CACNA2D3: variants seen among roughly 807,000 people sequenced by gnomAD.
The protein encoded by CACNA2D3 is voltage-dependent calcium channel subunit alpha-2/delta-3.
In CACNA2D3, 60 loss-of-function variants were observed where a neutral mutation model predicts 160.6. The observed-to-expected ratio is 0.37, with a 90% CI of 0.30 to 0.46. CACNA2D3 has a LOEUF of 0.46. Among genes scored for constraint, CACNA2D3 ranks in the 20% least tolerant of loss-of-function variants. The pLI is 1.00. For missense variants in CACNA2D3, 1,205 were observed against 1,365.0 expected, an observed-to-expected ratio of 0.88 and a Z score of 1.85; for synonymous variants, 558 against 492.9, an observed-to-expected ratio of 1.13 and a Z score of -1.75.
At chr3:54,385,265 C>T (rs910140495) in intron 3 of CACNA2D3, among the ~76,000 whole-genome samples, 1 of 152,166 alleles carries the variant, frequency 6.6e-6, no homozygotes, top group African/African-American at 2.4e-5. Flanking sequence ...ACTGATCCTG[C>T]CAGTGTGGGT....
intron 11 of CACNA2D3, among the ~76,000 whole-genome samples, chr3:54,694,186 G>A (rs545790087): frequency 1.3e-5 from 2 of 152,166 alleles, no homozygotes; most frequent in South Asian, 2.1e-4. Flanking sequence ...TCTTTTCTAT[G>A]TTTAGGTATG....
intron 11 of CACNA2D3, among the ~76,000 whole-genome samples, chr3:54,649,571 A>G (rs1486239926): frequency 6.6e-6 from 1 of 152,218 alleles, no homozygotes; most frequent in Admixed American, 6.5e-5. Context: ...AGCATGGTAC[A>G]GTTCTTTTTG....
At chr3:54,504,224 C>A (rs184171965) in intron 5 of CACNA2D3, among the ~76,000 whole-genome samples, 1 of 152,262 alleles carries the variant, frequency 6.6e-6, no homozygotes, top group East Asian at 1.9e-4. Context: ...TCCTTATTTC[C>A]AGGCTTGTGT....
chr3:54,219,275 A>G (rs140252336), intron 2 of CACNA2D3, among the ~76,000 whole-genome samples: 6 of 152,278 alleles, frequency 3.9e-5, no homozygotes, highest in Admixed American at 2.6e-4. Context: ...GAAACTATTT[A>G]CACCTTGGAA....
At chr3:54,401,700 C>A (rs561264049) in intron 4 of CACNA2D3, among the ~76,000 whole-genome samples, 1 of 152,104 alleles carries the variant, frequency 6.6e-6, no homozygotes, top group East Asian at 1.9e-4. Context: ...CCTAGGCAAG[C>A]AAACGTTGAG....
At chr3:54,998,216 A>G (rs959421655) in intron 31 of CACNA2D3, among the ~76,000 whole-genome samples, 83 of 137,926 alleles carry the variant, frequency 6.0e-4, no homozygotes, top group Non-Finnish European at 8.6e-4. Flanking sequence ...GTTCACTGCC[A>G]CCTCCGCCTC....
At chr3:54,428,605 T>G (rs1384608382) in intron 4 of CACNA2D3, among the ~76,000 whole-genome samples, 1 of 152,182 alleles carries the variant, frequency 6.6e-6, no homozygotes, top group African/African-American at 2.4e-5. Context: ...ACCTTTTACT[T>G]TTAAATATCT....
chr3:54,503,499 A>T lies in CACNA2D3; in HGVS notation c.389A>T (p.Tyr130Phe), dbSNP rs1372316374. Residue 130 changes from tyrosine (Y) to phenylalanine (F), a missense_variant, in exon 5 of 38, where the codon TAC becomes TTC. Around this residue, in one of 3 missense-constraint regions of CACNA2D3, gnomAD observed 131 missense variants for 201.5 expected, o/e 0.65. Transcript: ENST00000474759. ...TTTGACTTTGTCTTTCAGTATGAATACTTCAATGCTGTGCTGATAAATGAA... is the reference window on the plus strand; with the variant it reads ...TTTGACTTTGTCTTTCAGTATGAATTCTTCAATGCTGTGCTGATAAATGAA... ...HEFDADLQYE[Y>F]FNAVLINERD... The T allele has an allele frequency of 6.2e-7, 1 of 1,613,868 alleles. No individual in the cohort carries two copies. Among genetic ancestry groups the T allele is most frequent in the Non-Finnish European group, 8.5e-7 (1 of 1,179,786 alleles).
At chr3:54,547,588 T>G (rs1702084851) in intron 5 of CACNA2D3, among the ~76,000 whole-genome samples, 1 of 151,524 alleles carries the variant, frequency 6.6e-6, no homozygotes, top group Non-Finnish European at 1.5e-5. Context: ...TTTTGGGGGC[T>G]GAATGGATTC....
chr3:54,221,672 A>G (rs1376914308), intron 2 of CACNA2D3, among the ~76,000 whole-genome samples: 2 of 152,220 alleles, frequency 1.3e-5, no homozygotes, highest in Admixed American at 1.3e-4. Flanking sequence ...AAAGTCTTTC[A>G]TACAAATTGG....
intron 11 of CACNA2D3, among the ~76,000 whole-genome samples, chr3:54,702,114 G>C (rs1467500108): frequency 6.6e-6 from 1 of 152,128 alleles, no homozygotes; most frequent in Non-Finnish European, 1.5e-5. Flanking sequence ...ATCAACTCAA[G>C]ATGGATTAAA....
At chr3:54,135,417 T>C (rs908231976) in intron 2 of CACNA2D3, among the ~76,000 whole-genome samples, 2 of 152,220 alleles carry the variant, frequency 1.3e-5, no homozygotes. Context: ...TGCATTTGCA[T>C]CCTGCAGGCA....
intron 11 of CACNA2D3, among the ~76,000 whole-genome samples, chr3:54,736,541 C>A (rs763968412): frequency 6.6e-6 from 1 of 151,974 alleles, no homozygotes; most frequent in Non-Finnish European, 1.5e-5. Context: ...TTCCACCAGC[C>A]GAAAGGATAT....
intron 9 of CACNA2D3, among the ~76,000 whole-genome samples, chr3:54,625,773 G>A (rs553801851): frequency 9.2e-5 from 14 of 152,294 alleles, no homozygotes; most frequent in Non-Finnish European, 1.3e-4. Context: ...ATGACTGGGG[G>A]CTCCTACTGC....
intron 32 of CACNA2D3, 53 bp from the exon 33 acceptor site, chr3:55,007,737 A>C: frequency 8.5e-7 from 1 of 1,177,064 alleles, no homozygotes. Flanking sequence ...AAATTAAGCT[A>C]CAAATTTTGT....
Position 54,570,026 on chromosome 3 carries a change from C to G in CACNA2D3, c.810C>G (p.Leu270=). The G allele has an allele frequency of 6.2e-7, 1 of 1,613,994 alleles. No individual in the cohort carries two copies. The highest frequency in any genetic ancestry group is 8.5e-7 in the Non-Finnish European group (1 of 1,179,842). The part of the protein sequence containing the change: ...LVDVSGSMKG[L]RLTIAKQTVS... ...ACGTCAGTGGCAGCATGAAAGGACT[C>G]CGTCTGACTATCGCGAAGCAAACAG... Residue 270 remains leucine (L), a synonymous_variant, in exon 8 of 38, where the codon CTC becomes CTG. Transcript: ENST00000474759.
intron 11 of CACNA2D3, among the ~76,000 whole-genome samples, chr3:54,702,739 A>G (rs1442926687): frequency 6.6e-6 from 1 of 152,238 alleles, no homozygotes; most frequent in Non-Finnish European, 1.5e-5. Flanking sequence ...TACTGAAAGT[A>G]TACCCAAAAG....
chr3:54,866,255 G>A (rs927159195), intron 17 of CACNA2D3, among the ~76,000 whole-genome samples: 2 of 152,218 alleles, frequency 1.3e-5, no homozygotes, highest in African/African-American at 2.4e-5. Flanking sequence ...AAGGAATGAA[G>A]TGCCCTGTGG....
At position 54,289,132 on chromosome 3, in the gene CACNA2D3, C is replaced by T. The variant is rs369814816; in HGVS notation, c.205-31310C>T. Among the ~76,000 whole-genome samples the T allele has an allele frequency of 2.8e-3, 429 of 152,222 alleles. 1 individual carries two copies. Among genetic ancestry groups the T allele is most frequent in the Middle Eastern group, 0.01 (3 of 294 alleles). On this transcript the variant is annotated intron_variant, in intron 2 of 37. Transcript: ENST00000474759. ...AAGTCAAATTGTCCCTGTTTGCAGA[C>T]GACATGATTGTATATCTAGAAAGCC... is the stretch of plus-strand genomic sequence containing the variant.
Sources: gnomAD v4.1 joint callset for allele counts (sites outside exome capture counted in the v4.1 genomes callset) on GRCh38, gnomAD v4.1.1 for gene constraint, gnomAD v4.1.1 regional missense constraint, MANE v1.5 for transcripts, NCBI Gene and HGNC (gene_info 2026-07-23, HGNC 2026-07-21) for gene names.